Variants in LRMDA observed in about 807,000 individuals in gnomAD.
LRMDA encodes leucine rich melanocyte differentiation associated.
A neutral mutation model predicts 29.8 loss-of-function variants in LRMDA; 18 were observed. The observed-to-expected ratio is 0.60, with a 90% CI of 0.42 to 0.90. LRMDA has a LOEUF of 0.90. Among genes scored for constraint, LRMDA ranks in the 40% least tolerant of loss-of-function variants. The pLI, the probability that LRMDA is intolerant of heterozygous loss-of-function variation, is 0.00. For missense variants in LRMDA, 273 were observed against 273.9 expected (o/e 1.00, Z 0.02); for synonymous variants, 125 against 109.4 (o/e 1.14, Z -0.89).
At chr10:75,785,603 AGCGTG>A (rs1307489978) in intron 2 of LRMDA, among the ~76,000 whole-genome samples, 1 of 152,208 alleles carries the variant, frequency 6.6e-6, no homozygotes, top group Non-Finnish European at 1.5e-5. Context: ...TATTAGATAA[AGCGTG>A]GCCTGTGTTA....
intron 2 of LRMDA, among the ~76,000 whole-genome samples, chr10:75,550,071 T>G (rs1840123849): frequency 6.6e-6 from 1 of 152,150 alleles, no homozygotes; most frequent in Non-Finnish European, 1.5e-5. Context: ...CTGTTTAAAG[T>G]TTTAGCTATT....
At chr10:75,542,084 G>C (rs950653518) in intron 2 of LRMDA, among the ~76,000 whole-genome samples, 5 of 152,096 alleles carry the variant, frequency 3.3e-5, no homozygotes, top group African/African-American at 1.2e-4. Context: ...AGAAACTAGT[G>C]AATGAGGGTG....
intron 5 of LRMDA, among the ~76,000 whole-genome samples, chr10:76,232,755 A>T (rs1211549779): frequency 1.3e-5 from 2 of 152,160 alleles, no homozygotes; most frequent in African/African-American, 4.8e-5. Flanking sequence ...CCAGATGGGG[A>T]GTTTTATTGG....
chr10:75,718,048 T>C (rs1842522855), intron 2 of LRMDA, among the ~76,000 whole-genome samples: 1 of 152,232 alleles, frequency 6.6e-6, no homozygotes, highest in Admixed American at 6.5e-5. Context: ...AATCTGCTTT[T>C]CATTTTTTCC....
chr10:75,582,273 C>G (rs2132077833), intron 2 of LRMDA, among the ~76,000 whole-genome samples: 1 of 152,348 alleles, frequency 6.6e-6, no homozygotes, highest in South Asian at 2.1e-4. Flanking sequence ...CATGAGGGCT[C>G]CATCCCTGCA....
At chr10:76,398,981 C>A (rs1005487325) in intron 6 of LRMDA, among the ~76,000 whole-genome samples, 5 of 152,088 alleles carry the variant, frequency 3.3e-5, no homozygotes, top group African/African-American at 1.2e-4. Flanking sequence ...AGGTCCTTGA[C>A]TTTGTGCATG....
At chr10:76,284,768 G>A (rs562915129) in intron 5 of LRMDA, among the ~76,000 whole-genome samples, 10 of 152,124 alleles carry the variant, frequency 6.6e-5, no homozygotes, top group Admixed American at 6.6e-4. Flanking sequence ...CTTGAGGGTG[G>A]ATTTTTCCCA....
rs1189271538 is a variant in LRMDA, at chr10:75,704,973, G to A, written c.131+266479G>A. 8.5e-5 allele frequency among the ~76,000 whole-genome samples: 13 copies of A among 152,192 alleles called. No homozygotes were observed. The East Asian group carries it at 2.5e-3, about 29-fold the overall frequency. ...TAGAGGGTTTCTGTAACTAAACAGT[G>A]TGAATATGAGTCTTAAAGAGAATGT... On this transcript the variant is annotated intron_variant, in intron 2 of 6. Coordinates refer to ENST00000611255, the MANE Select transcript of LRMDA (RefSeq NM_001305581.2).
chr10:75,853,430 A>AGG (rs1347828997), intron 2 of LRMDA, among the ~76,000 whole-genome samples: 2 of 107,852 alleles, frequency 1.9e-5, no homozygotes, highest in Non-Finnish European at 3.9e-5. Flanking sequence ...CCTAAAGAAG[A>AGG]GGGGTGTGTG....
chr10:75,995,360 G>T (rs1847444206), intron 2 of LRMDA, among the ~76,000 whole-genome samples: 2 of 152,244 alleles, frequency 1.3e-5, no homozygotes, highest in South Asian at 4.2e-4. Context: ...CTCCATCCTT[G>T]AGTCTCAAGG....
chr10:75,816,701 G>A (rs966377790), intron 2 of LRMDA, among the ~76,000 whole-genome samples: 2 of 152,150 alleles, frequency 1.3e-5, no homozygotes, highest in African/African-American at 4.8e-5. Flanking sequence ...AGCAGGATTT[G>A]TTAAAACAAT....
At chr10:76,099,655 A>T (rs1449472037) in intron 5 of LRMDA, among the ~76,000 whole-genome samples, 1 of 152,024 alleles carries the variant, frequency 6.6e-6, no homozygotes, top group African/African-American at 2.4e-5. Context: ...TGTTCTTTAG[A>T]CTTTAATTTG....
At chr10:75,516,275 G>C (rs1039961014) in intron 2 of LRMDA, among the ~76,000 whole-genome samples, 2 of 152,116 alleles carry the variant, frequency 1.3e-5, no homozygotes, top group African/African-American at 2.4e-5. Flanking sequence ...TTGAGGAATC[G>C]CCACACTGTC....
chr10:76,344,909 AAAAAG>A (rs1841084040), intron 6 of LRMDA, among the ~76,000 whole-genome samples: 4 of 151,778 alleles, frequency 2.6e-5, no homozygotes. Flanking sequence ...AGTGAAAAAA[AAAAAG>A]AAATCATACA....
At chr10:75,578,866 A>T (rs1005161256) in intron 2 of LRMDA, among the ~76,000 whole-genome samples, 4 of 152,052 alleles carry the variant, frequency 2.6e-5, no homozygotes, top group African/African-American at 9.6e-5. Context: ...TTTGAAACCA[A>T]TGAAAACAAA....
At chr10:76,173,726 T>A (rs961133083) in intron 5 of LRMDA, among the ~76,000 whole-genome samples, 1 of 152,168 alleles carries the variant, frequency 6.6e-6, no homozygotes, top group Non-Finnish European at 1.5e-5. Context: ...AGTGGTGCCA[T>A]CTCGGCTCAC....
chr10:75,558,696 A>C (rs1172277438), intron 2 of LRMDA, among the ~76,000 whole-genome samples: 3 of 145,674 alleles, frequency 2.1e-5, no homozygotes, highest in Non-Finnish European at 3.0e-5. Context: ...CCCACCCCAC[A>C]ACAGTCCCCA....
At chr10:75,949,301 C>G (rs1445689722) in intron 2 of LRMDA, among the ~76,000 whole-genome samples, 1 of 152,216 alleles carries the variant, frequency 6.6e-6, no homozygotes, top group Non-Finnish European at 1.5e-5. Context: ...TCTGGGCCTC[C>G]ATCATGTAGC....
At position 76,543,322 on chromosome 10, in the gene LRMDA, G is replaced by C. The variant is rs564976029; in HGVS notation, c.602-13887G>C. On this transcript the variant is annotated intron_variant, in intron 6 of 6. Transcript: ENST00000611255. ...AGTTGTTATTGGGGTGTGCCTGTGT[G>C]TGTGTGTGTGTGTGTGTGTGTGTGT... Among the ~76,000 whole-genome samples, 13 of 44,182 alleles carry C rather than the reference G, an allele frequency of 2.9e-4. No homozygotes were observed. In the South Asian group the frequency reaches 5.9e-3, roughly 20 times the overall value. The allele number at this position is 44,182 out of a possible 152,430, so 29.0% of individuals were successfully genotyped here.
Sources: gnomAD v4.1 joint callset for allele counts (sites outside exome capture counted in the v4.1 genomes callset) on GRCh38, gnomAD v4.1.1 for gene constraint, MANE v1.5 for transcripts, NCBI Gene and HGNC (gene_info 2026-07-23, HGNC 2026-07-21) for gene names.